ING3: variants seen among roughly 807,000 people sequenced by gnomAD.
The protein encoded by ING3 is inhibitor of growth protein 3.
A neutral mutation model predicts 64.8 loss-of-function variants in ING3; 6 were observed. That is an observed-to-expected ratio of 0.09 (90% CI 0.05 to 0.18). The LOEUF (loss-of-function observed/expected upper bound fraction) is 0.18, where lower values mean the gene tolerates loss of function less well. Ranked by LOEUF, ING3 falls within the 10% of genes least tolerant of loss-of-function variation. The pLI, the probability that ING3 is intolerant of heterozygous loss-of-function variation, is 1.00. For missense variants in ING3, 310 were observed against 489.7 expected, an observed-to-expected ratio of 0.63 and a Z score of 3.46; for synonymous variants, 170 against 173.7, an observed-to-expected ratio of 0.98 and a Z score of 0.17.
chr7:120,973,141 G>C (rs1796090919), intron 10 of ING3, 64 bp from the exon 11 acceptor site: 1 of 849,382 alleles, frequency 1.2e-6, no homozygotes, highest in African/African-American at 1.7e-5. Flanking sequence ...TACATAAACA[G>C]TTAATTGGTA....
rs1484465223 is a variant in ING3, at chr7:120,970,777, A to T, written c.998A>T (p.Gln333Leu). 8.7e-6 allele frequency: 14 copies of T among 1,613,898 alleles called. No homozygotes were observed. In the East Asian group the frequency reaches 2.9e-4, roughly 33 times the overall value. ...TGTTCTTCATCATCAACTGTTGTAC[A>T]AGAAATCTCTCAACAAACAACTGTA... ...SSCSSSSTVVQEISQQTTVVP... is the reference protein window; with the variant it reads ...SSCSSSSTVVLEISQQTTVVP... Residue 333 changes from glutamine to leucine, a missense_variant, in exon 10 of 12, where the codon CAA becomes CTA. By Grantham distance (113) the Gln-to-Leu change is moderately radical. Around this residue, in one of 3 missense-constraint regions of ING3, gnomAD observed 233 missense variants for 289.4 expected, o/e 0.81. Coordinates refer to ENST00000315870, the MANE Select transcript of ING3 (RefSeq NM_019071.3).
intron 4 of ING3, among the ~76,000 whole-genome samples, chr7:120,961,250 T>A (rs767749068): frequency 6.6e-6 from 1 of 152,218 alleles, no homozygotes; most frequent in South Asian, 2.1e-4. Context: ...TTTAGAGATA[T>A]AAAGAATCAT....
At chr7:120,955,850 G>A (rs534073891) in intron 4 of ING3, 4 of 574,978 alleles carry the variant, frequency 7.0e-6, no homozygotes, top group Admixed American at 3.4e-5. Flanking sequence ...AAGTCTATAC[G>A]GCGGTAAGGT....
In ING3 at chr7:120,976,081, T is replaced by TA. The variant is rs892688158; in HGVS notation, c.*1238dup. 8 of 152,100 alleles carry TA rather than the reference T, an allele frequency of 5.3e-5. No homozygotes were observed. Among genetic ancestry groups the TA allele is most frequent in the Non-Finnish European group, 8.8e-5 (6 of 68,014 alleles). 9.4% of individuals were successfully genotyped at this position (152,100 alleles called of 1,614,324 possible). A position where few individuals can be genotyped will look rare whatever the true frequency, so the allele number is the denominator to read the frequency against. On this transcript the variant is annotated 3_prime_UTR_variant, in exon 12 of 12. Coordinates refer to ENST00000315870, the MANE Select transcript of ING3 (RefSeq NM_019071.3). ...TCAAATTTTGTATCACTCTGGGCCTTACTACACCAGGGTGATGCTGACTGC... is the reference window on the plus strand; with the variant it reads ...TCAAATTTTGTATCACTCTGGGCCTTAACTACACCAGGGTGATGCTGACTGC...
At chr7:120,955,813 A>T in intron 4 of ING3, 189 bp downstream of exon 4, 2 of 602,668 alleles carry the variant, frequency 3.3e-6, no homozygotes, top group South Asian at 4.1e-5. Flanking sequence ...GTGGTTAGTT[A>T]ATGTGGTGAG....
chr7:120,961,835 A>AT (rs1584991127), intron 4 of ING3, among the ~76,000 whole-genome samples: 1 of 152,230 alleles, frequency 6.6e-6, no homozygotes, highest in East Asian at 1.9e-4. Context: ...ACTTGTTGAC[A>AT]TTAACTGGGA....
At chr7:120,955,701 TGTA>T in intron 4 of ING3, 77 bp downstream of exon 4, 1 of 993,738 alleles carries the variant, frequency 1.0e-6, no homozygotes, top group Non-Finnish European at 1.6e-6. Context: ...TTGGCTTAAA[TGTA>T]GTAGGAAGAA....
At position 120,970,840 on chromosome 7, in the gene ING3, C is replaced by G. The variant is rs1290820242; in HGVS notation, c.1061C>G (p.Thr354Ser). The G allele has an allele frequency of 1.2e-6, 2 of 1,611,874 alleles. No homozygotes were observed. Among genetic ancestry groups the G allele is most frequent in the Non-Finnish European group, 1.7e-6 (2 of 1,177,990 alleles). The change falls in exon 10 of 12, where the codon ACT (threonine) becomes AGT (serine). Residue 354 changes from threonine to serine, a missense_variant. Thr to Ser is a moderately conservative substitution (Grantham distance 58). Transcript: ENST00000315870. ...GATTCAAATAGTCAGGTTGATTGGA[C>G]TTACGACCCAAATGAACCTCGATAC... Reference protein sequence around the residue: ...ESDSNSQVDWTYDPNEPRYCI... With the variant: ...ESDSNSQVDWSYDPNEPRYCI...
chr7:120,952,919 C>A (rs1795788924), intron 2 of ING3, among the ~76,000 whole-genome samples: 1 of 152,060 alleles, frequency 6.6e-6, no homozygotes, highest in Non-Finnish European at 1.5e-5. Context: ...ATTTTTATCA[C>A]TTTTTCTTGT....
At chr7:120,953,769 A>G (rs1795802844) in intron 3 of ING3, among the ~76,000 whole-genome samples, 1 of 152,202 alleles carries the variant, frequency 6.6e-6, no homozygotes, top group African/African-American at 2.4e-5. Flanking sequence ...ATATATTGCT[A>G]GGTACTTAAA....
At chr7:120,967,807 G>T in intron 7 of ING3, 127 bp from the exon 8 acceptor site, 1 of 1,223,962 alleles carries the variant, frequency 8.2e-7, no homozygotes, top group South Asian at 1.5e-5. Flanking sequence ...TTATTCAGTT[G>T]ACTTAATGTA....
At chr7:120,969,574 T>C (rs1796041093) in intron 9 of ING3, among the ~76,000 whole-genome samples, 1 of 152,180 alleles carries the variant, frequency 6.6e-6, no homozygotes, top group South Asian at 2.1e-4. Flanking sequence ...GGTGATTTTT[T>C]TTTTTTAAAC....
chr7:120,953,544 G>T lies in ING3; in HGVS notation c.201+140G>T, dbSNP rs567096985. ...CTTAGAATATAAATAATTTATTGTG[G>T]TTTAGAGCTTCAGATAGGGATTTTT... On this transcript the variant is annotated intron_variant, in intron 3 of 11. Coordinates refer to ENST00000315870, the MANE Select transcript of ING3 (RefSeq NM_019071.3). The T allele has an allele frequency of 2.3e-5, 13 of 576,904 alleles. No homozygotes were observed. The African/African-American group carries it at 2.6e-4, about 11-fold the overall frequency. The allele number at this position is 576,904 out of a possible 1,614,324, so 35.7% of individuals were successfully genotyped here.
At chr7:120,970,602 C>A in intron 9 of ING3, 86 bp from the exon 10 acceptor site, 2 of 1,318,914 alleles carry the variant, frequency 1.5e-6, no homozygotes, top group South Asian at 1.4e-5. Context: ...CATTTGATGT[C>A]ATTTCATTTT....
intron 4 of ING3, among the ~76,000 whole-genome samples, 188 bp from the exon 5 acceptor site, chr7:120,964,554 T>G (rs1447427712): frequency 1.3e-5 from 2 of 152,184 alleles, no homozygotes; most frequent in Non-Finnish European, 2.9e-5. Context: ...TGAAGGAGAC[T>G]TGGGAGATTA....
intron 4 of ING3, among the ~76,000 whole-genome samples, chr7:120,962,082 T>C (rs1795940195): frequency 6.6e-6 from 1 of 152,198 alleles, no homozygotes; most frequent in Admixed American, 6.5e-5. Context: ...GTTGAGGGAA[T>C]GCACATGATG....
intron 2 of ING3, among the ~76,000 whole-genome samples, chr7:120,951,953 C>T (rs2721354): frequency 0.39 from 59,941 of 152,078 alleles, 14,648 homozygotes; most frequent in African/African-American, 0.69. Context: ...CAGGGACCAC[C>T]TGCTGCAGCT....
At chr7:120,959,048 C>A (rs115553113) in intron 4 of ING3, among the ~76,000 whole-genome samples, 2,342 of 152,266 alleles carry the variant, frequency 0.015, 59 homozygotes, top group African/African-American at 0.053. Context: ...TTTTGTCTTG[C>A]CATTCTTGAC....
At chr7:120,968,227 T>C (rs1584993915) in intron 8 of ING3, 136 bp downstream of exon 8, 2 of 795,688 alleles carry the variant, frequency 2.5e-6, no homozygotes, top group South Asian at 4.0e-5. Flanking sequence ...TTTCACGATA[T>C]GTGATATTTT....
Sources: gnomAD v4.1 joint callset for allele counts (sites outside exome capture counted in the v4.1 genomes callset) on GRCh38, gnomAD v4.1.1 for gene constraint, gnomAD v4.1.1 regional missense constraint, MANE v1.5 for transcripts, NCBI Gene and HGNC (gene_info 2026-07-23, HGNC 2026-07-21) for gene names.